Variants in CACNB4 observed in about 807,000 individuals in gnomAD.
CACNB4 encodes the protein calcium voltage-gated channel auxiliary subunit beta 4.
In CACNB4, 32 loss-of-function variants were observed where a neutral mutation model predicts 71.2. The observed-to-expected ratio is 0.45, with a 90% CI of 0.34 to 0.60. CACNB4 has a LOEUF of 0.60. Among genes scored for constraint, CACNB4 ranks in the 20% least tolerant of loss-of-function variants. The probability of loss-of-function intolerance (pLI) is 0.01; values close to 1 mark genes in which losing one functional copy is unlikely to be tolerated. For missense variants in CACNB4, 464 were observed against 647.9 expected (o/e 0.72, Z 3.08); for synonymous variants, 231 against 236.9 (o/e 0.97, Z 0.23).
chr2:152,002,331 G>A (rs986292559), intron 2 of CACNB4, among the ~76,000 whole-genome samples: 5 of 152,166 alleles, frequency 3.3e-5, no homozygotes, highest in African/African-American at 1.2e-4. Flanking sequence ...TTGGGAATAT[G>A]ATTTTTTTAG....
intron 10 of CACNB4, 109 bp from the exon 11 acceptor site, chr2:151,855,484 C>T (rs1288550530): frequency 9.5e-6 from 8 of 842,358 alleles, no homozygotes; most frequent in Non-Finnish European, 1.4e-5. Flanking sequence ...CAAAATAAAA[C>T]ATTTTAAATT....
chr2:151,997,273 G>A (rs892492845), intron 2 of CACNB4, among the ~76,000 whole-genome samples: 22 of 152,136 alleles, frequency 1.4e-4, no homozygotes, highest in African/African-American at 3.9e-4. Context: ...AGTGGCTCAC[G>A]CCTGTAATCC....
chr2:152,050,288 C>T (rs1338784380), intron 2 of CACNB4, among the ~76,000 whole-genome samples: 1 of 152,190 alleles, frequency 6.6e-6, no homozygotes, highest in East Asian at 1.9e-4. Flanking sequence ...ATGTGATCAT[C>T]TGCTATTGAT....
intron 2 of CACNB4, among the ~76,000 whole-genome samples, chr2:152,003,680 T>A (rs1682556012): frequency 6.6e-6 from 1 of 152,156 alleles, no homozygotes; most frequent in Non-Finnish European, 1.5e-5. Context: ...TTTTCCAGCC[T>A]CAAGGTAACT....
At chr2:151,935,977 T>C (rs1246544115) in intron 2 of CACNB4, among the ~76,000 whole-genome samples, 1 of 152,212 alleles carries the variant, frequency 6.6e-6, no homozygotes, top group East Asian at 1.9e-4. Context: ...CAAACTAGTA[T>C]AGATTTAGTT....
At chr2:151,975,366 C>T (rs1318937345) in intron 2 of CACNB4, among the ~76,000 whole-genome samples, 1 of 152,220 alleles carries the variant, frequency 6.6e-6, no homozygotes, top group Non-Finnish European at 1.5e-5. Context: ...TGTGCTGACC[C>T]GTTCATGTCT....
intron 2 of CACNB4, among the ~76,000 whole-genome samples, chr2:152,013,663 G>C (rs566292679): frequency 1.3e-5 from 2 of 152,210 alleles, no homozygotes; most frequent in Non-Finnish European, 2.9e-5. Context: ...CCAGGATATA[G>C]AGAGGTCCTC....
chr2:151,941,027 C>G (rs1020127534), intron 2 of CACNB4, among the ~76,000 whole-genome samples: 2 of 152,158 alleles, frequency 1.3e-5, no homozygotes, highest in African/African-American at 2.4e-5. Flanking sequence ...GTGTCTAATA[C>G]TTTCAGAATA....
intron 8 of CACNB4, chr2:151,869,785 A>G (rs1312582817): frequency 5.7e-6 from 1 of 176,056 alleles, no homozygotes; most frequent in African/African-American, 2.4e-5. Context: ...GGATTCTTAG[A>G]TCTGCCTGAA....
chr2:151,911,920 C>G (rs927932009), intron 2 of CACNB4, among the ~76,000 whole-genome samples: 16 of 152,084 alleles, frequency 1.1e-4, no homozygotes, highest in African/African-American at 3.9e-4. Flanking sequence ...TCCAGGAATT[C>G]ATCCATTTCT....
intron 9 of CACNB4, chr2:151,868,401 G>A (rs1359771575): frequency 1.3e-5 from 2 of 152,018 alleles, no homozygotes; most frequent in African/African-American, 4.8e-5. Context: ...TTTTCATGTG[G>A]TTATTTTTAC....
chr2:152,084,210 T>C (rs557032746), intron 2 of CACNB4, among the ~76,000 whole-genome samples: 61 of 152,206 alleles, frequency 4.0e-4, no homozygotes, highest in African/African-American at 1.3e-3. Context: ...AGAAGCTGGC[T>C]TTACAAAAGA....
At chr2:151,873,733 A>T (rs1559906478) in intron 5 of CACNB4, 2 of 152,240 alleles carry the variant, frequency 1.3e-5, no homozygotes, top group Non-Finnish European at 1.5e-5. Context: ...AAAGACCCCA[A>T]GACAGGAACA....
chr2:152,049,955 T>C (rs936854759), intron 2 of CACNB4, among the ~76,000 whole-genome samples: 12 of 152,258 alleles, frequency 7.9e-5, no homozygotes, highest in Non-Finnish European at 1.3e-4. Context: ...GCAAGGCAAC[T>C]GCATCTCAAC....
chr2:152,098,988 C>T lies in CACNB4; in HGVS notation c.24G>A (p.Lys8=), dbSNP rs1242494517. Residue 8 remains lysine, a synonymous_variant, in exon 1 of 14, where the codon AAG becomes AAA. Transcript: ENST00000539935. This position sits in a 1 kb window ranked among gnomAD's most constrained non-coding sequence, Gnocchi z 5.3. ...AGTGCGGCCCGTCCGCGGTCCCGTTCTTGGCGTAGGAGGAGGAGGACATCG... is the reference window on the plus strand; with the variant it reads ...AGTGCGGCCCGTCCGCGGTCCCGTTTTTGGCGTAGGAGGAGGAGGACATCG... MSSSSYA[K]NGTADGPHSP... 6.5e-7 allele frequency: 1 copy of T among 1,534,838 alleles called. No individual in the cohort carries two copies. Among genetic ancestry groups the T allele is most frequent in the Non-Finnish European group, 8.7e-7 (1 of 1,143,306 alleles).
intron 3 of CACNB4, 150 bp from the exon 4 acceptor site, chr2:151,881,072 C>A: frequency 1.3e-6 from 1 of 755,614 alleles, no homozygotes; most frequent in Non-Finnish European, 2.1e-6. Context: ...TATCAAGAAA[C>A]CTGCAGAGAT....
chr2:152,098,749 G>GAGGAGGAGGAAGAGA lies in CACNB4; in HGVS notation c.63+185_63+199dup. ...GCGCAGAGACCCGAAGGAGGGTGAGGAGGAGGAGGAAGAGAAGGAGGAGAA... is the reference window on the plus strand; with the variant it reads ...GCGCAGAGACCCGAAGGAGGGTGAGGAGGAGGAGGAAGAGAAGGAGGAGGAAGAGAAGGAGGAGAA... On this transcript the variant is annotated intron_variant, in intron 1 of 13. Coordinates refer to ENST00000539935, the MANE Select transcript of CACNB4 (RefSeq NM_000726.5). This position sits in a 1 kb window ranked among gnomAD's most constrained non-coding sequence, Gnocchi z 5.3. 2.0e-6 allele frequency: 3 copies of GAGGAGGAGGAAGAGA among 1,492,356 alleles called. No individual in the cohort carries two copies. The highest frequency in any genetic ancestry group is 2.5e-5 in the South Asian group (2 of 80,938). The allele number at this position is 1,492,356 out of a possible 1,614,324, so 92.4% of individuals were successfully genotyped here.
intron 3 of CACNB4, among the ~76,000 whole-genome samples, chr2:151,882,005 C>T (rs558555537): frequency 5.3e-5 from 8 of 151,342 alleles, no homozygotes; most frequent in East Asian, 2.0e-4. Context: ...CTCTGCCTCC[C>T]GAGTAGCTGG....
intron 2 of CACNB4, among the ~76,000 whole-genome samples, chr2:151,991,833 C>A (rs754637064): frequency 4.6e-5 from 7 of 152,104 alleles, no homozygotes; most frequent in Non-Finnish European, 7.4e-5. Flanking sequence ...CTTAATTTGG[C>A]CTCCCTCAAA....
Sources: allele counts gnomAD v4.1 joint callset (sites outside exome capture counted in the v4.1 genomes callset), GRCh38; gene constraint gnomAD v4.1.1; non-coding constraint Gnocchi (gnomAD v3.1); transcripts MANE v1.5; gene names NCBI Gene and HGNC (gene_info 2026-07-23, HGNC 2026-07-21).